The following VEGFC variants were observed in gnomAD, a reference collection of about 807,000 sequenced individuals.
VEGFC encodes vascular endothelial growth factor C.
A neutral mutation model predicts 46.1 loss-of-function variants in VEGFC; 12 were observed. The ratio of observed to expected loss-of-function variants is 0.26; its 90% confidence interval spans 0.17 to 0.42. The LOEUF is 0.42. Among genes scored for constraint, VEGFC ranks in the 10% least tolerant of loss-of-function variants. The probability of loss-of-function intolerance (pLI) is 1.00; values close to 1 mark genes in which losing one functional copy is unlikely to be tolerated. For synonymous variants in VEGFC, 232 were observed against 195.5 expected (o/e 1.19, Z -1.56); for missense variants, 488 against 529.4 (o/e 0.92, Z 0.77).
intron 1 of VEGFC, among the ~76,000 whole-genome samples, chr4:176,777,925 A>C (rs1735842439): frequency 8.3e-6 from 1 of 120,868 alleles, no homozygotes; most frequent in Non-Finnish European, 1.5e-5. Context: ...TCTCAAAAAA[A>C]AAAAAAAAAA....
intron 4 of VEGFC, among the ~76,000 whole-genome samples, chr4:176,696,266 G>T (rs919819569): frequency 2.0e-5 from 3 of 151,798 alleles, no homozygotes; most frequent in East Asian, 1.9e-4. Context: ...TCCTTAAGCT[G>T]ATAAGCAACT....
intron 4 of VEGFC, among the ~76,000 whole-genome samples, chr4:176,699,251 T>C (rs1415571050): frequency 6.6e-6 from 1 of 152,176 alleles, no homozygotes; most frequent in African/African-American, 2.4e-5. Flanking sequence ...GCCACCAGCA[T>C]TAGTGAAACC....
At chr4:176,738,429 C>A (rs1735092036) in intron 1 of VEGFC, among the ~76,000 whole-genome samples, 1 of 151,958 alleles carries the variant, frequency 6.6e-6, no homozygotes, top group Non-Finnish European at 1.5e-5. Flanking sequence ...TTTGACAAAC[C>A]TGACAAAAAT....
intron 3 of VEGFC, among the ~76,000 whole-genome samples, chr4:176,713,942 A>C (rs528463101): frequency 2.0e-5 from 3 of 152,134 alleles, no homozygotes; most frequent in Non-Finnish European, 4.4e-5. Flanking sequence ...CCAGCACCCG[A>C]TGTGGTTCCA....
intron 3 of VEGFC, among the ~76,000 whole-genome samples, chr4:176,726,305 C>A (rs1383536649): frequency 6.6e-6 from 1 of 152,126 alleles, no homozygotes; most frequent in African/African-American, 2.4e-5. Flanking sequence ...ACGACCCCTA[C>A]ATTATTTTGC....
At chr4:176,770,459 A>T (rs1164277736) in intron 1 of VEGFC, among the ~76,000 whole-genome samples, 1 of 148,748 alleles carries the variant, frequency 6.7e-6, no homozygotes, top group African/African-American at 2.6e-5. Flanking sequence ...ATGATTTTCT[A>T]AATATGCTTA....
chr4:176,749,826 A>G (rs1422542360), intron 1 of VEGFC, among the ~76,000 whole-genome samples: 1 of 151,796 alleles, frequency 6.6e-6, no homozygotes, highest in Non-Finnish European at 1.5e-5. Context: ...CTTTGTAATA[A>G]CATAGTTAAG....
chr4:176,787,342 AGCTACTTG>A (rs1287938674), intron 1 of VEGFC, among the ~76,000 whole-genome samples: 1 of 151,680 alleles, frequency 6.6e-6, no homozygotes, highest in Non-Finnish European at 1.5e-5. Flanking sequence ...CTGTAATTCC[AGCTACTTG>A]GGAGGCTGAG....
Position 176,729,605 on chromosome 4 carries a change from C to G in VEGFC, c.289G>C (p.Ala97Pro), listed in dbSNP as rs749126655. Residue 97 changes from alanine to proline, a missense_variant, in exon 2 of 7, where the codon GCC becomes CCC. Physicochemically the swap from Ala to Pro is conservative, Grantham distance 27. Coordinates refer to ENST00000618562, the MANE Select transcript of VEGFC (RefSeq NM_005429.5). ...TCTTCTGTCCTTGAGTTGAGGTTGG[C>G]CTGTTCTCTGTTATGTTGCCAGCCT... ...KGGWQHNREQ[A>P]NLNSRTEETI... The G allele has an allele frequency of 6.2e-7, 1 of 1,613,652 alleles. No homozygotes were observed. The highest frequency in any genetic ancestry group is 2.2e-5 in the East Asian group (1 of 44,862).
chr4:176,778,945 C>T (rs2110940760), intron 1 of VEGFC, among the ~76,000 whole-genome samples: 1 of 152,256 alleles, frequency 6.6e-6, no homozygotes, highest in African/African-American at 2.4e-5. Flanking sequence ...TTGCCAAAGA[C>T]TGGCCACCTT....
intron 4 of VEGFC, among the ~76,000 whole-genome samples, chr4:176,701,479 C>T (rs540364563): frequency 1.3e-5 from 2 of 152,292 alleles, no homozygotes; most frequent in African/African-American, 4.8e-5. Flanking sequence ...CACAATCTAT[C>T]AGCAAGCCAT....
intron 3 of VEGFC, 132 bp from the exon 4 acceptor site, chr4:176,711,782 T>A (rs1734624360): frequency 1.3e-6 from 1 of 792,072 alleles, no homozygotes; most frequent in Admixed American, 3.0e-5. Flanking sequence ...CAGGACGCTA[T>A]GTTTTTATGA....
At chr4:176,692,305 A>C (rs1734205774) in intron 4 of VEGFC, among the ~76,000 whole-genome samples, 2 of 133,922 alleles carry the variant, frequency 1.5e-5, no homozygotes, top group South Asian at 4.4e-4. Context: ...GAGGCAGGAG[A>C]ATGGCGTGAA....
rs188498246 is a variant in VEGFC, at chr4:176,768,643, T to C, written c.147+23522A>G. Among the ~76,000 whole-genome samples, 497 of 151,698 alleles carry C rather than the reference T, an allele frequency of 3.3e-3. 4 individuals are homozygous for C. Among genetic ancestry groups the C allele is most frequent in the Admixed American group, 7.8e-3 (119 of 15,226 alleles). On this transcript the variant is annotated intron_variant, in intron 1 of 6. Transcript: ENST00000618562. ...ACCTCAGCAGGGAGAACACCTTTGG[T>C]ATGCAAATTACCCAATCCAGAGCCA... is the stretch of plus-strand genomic sequence containing the variant.
intron 4 of VEGFC, among the ~76,000 whole-genome samples, chr4:176,697,434 G>C (rs1397909024): frequency 1.3e-5 from 2 of 152,210 alleles, no homozygotes; most frequent in Non-Finnish European, 2.9e-5. Flanking sequence ...ACTACAATGA[G>C]ATACCATCTC....
intron 3 of VEGFC, among the ~76,000 whole-genome samples, chr4:176,712,222 C>CA (rs1347166840): frequency 1.4e-4 from 21 of 151,350 alleles, no homozygotes; most frequent in Admixed American, 4.0e-4. Context: ...ATGTTTAAAA[C>CA]AAAAAAAACT....
intron 1 of VEGFC, among the ~76,000 whole-genome samples, chr4:176,755,941 T>G (rs1157333454): frequency 1.3e-5 from 2 of 152,038 alleles, no homozygotes; most frequent in African/African-American, 2.4e-5. Flanking sequence ...TATATTCCTA[T>G]GCCAGAGATT....
intron 4 of VEGFC, among the ~76,000 whole-genome samples, chr4:176,708,433 A>T (rs1461667276): frequency 6.6e-6 from 1 of 152,148 alleles, no homozygotes; most frequent in Non-Finnish European, 1.5e-5. Flanking sequence ...TGTATAAAGC[A>T]CAGAGATACA....
intron 3 of VEGFC, among the ~76,000 whole-genome samples, chr4:176,715,384 T>C (rs1411960366): frequency 2.0e-5 from 3 of 152,160 alleles, no homozygotes; most frequent in East Asian, 3.9e-4. Flanking sequence ...TTTGATAATA[T>C]TAAAAGTAGA....
Sources: gnomAD v4.1 joint callset for allele counts (sites outside exome capture counted in the v4.1 genomes callset) on GRCh38, gnomAD v4.1.1 for gene constraint, MANE v1.5 for transcripts, NCBI Gene and HGNC (gene_info 2026-07-23, HGNC 2026-07-21) for gene names.